ANK2: variants seen among roughly 807,000 people sequenced by gnomAD.
ANK2 encodes ankyrin 2.
ANK2 carries 83 observed loss-of-function variants against 360.5 expected under a neutral mutation model. The ratio of observed to expected loss-of-function variants is 0.23; its 90% CI spans 0.19 to 0.28. The LOEUF (loss-of-function observed/expected upper bound fraction) is 0.28. Among genes scored for constraint, ANK2 ranks in the 10% least tolerant of loss-of-function variants. The probability of loss-of-function intolerance (pLI) is 1.00; values close to 1 mark genes in which losing one functional copy is unlikely to be tolerated. For missense variants in ANK2, 4,201 were observed against 4,795.7 expected, an observed-to-expected ratio of 0.88 and a Z score of 3.66; for synonymous variants, 1,740 against 1,759.5, an observed-to-expected ratio of 0.99 and a Z score of 0.28.
At chr4:112,897,639 T>C (rs2082128703) in intron 1 of ANK2, among the ~76,000 whole-genome samples, 1 of 152,134 alleles carries the variant, frequency 6.6e-6, no homozygotes, top group African/African-American at 2.4e-5. Context: ...TTTGTCTTTT[T>C]ATGGGGGAGG....
At chr4:112,940,860 A>G (rs2094151696) in intron 2 of ANK2, among the ~76,000 whole-genome samples, 1 of 152,078 alleles carries the variant, frequency 6.6e-6, no homozygotes. Context: ...CCGAACAGGG[A>G]TTCTCGTGTC....
At chr4:113,376,774 A>T (rs1045065838) in intron 45 of ANK2, among the ~76,000 whole-genome samples, 3 of 148,546 alleles carry the variant, frequency 2.0e-5, no homozygotes, top group African/African-American at 7.4e-5. Flanking sequence ...TAATTTTTTA[A>T]ATTTATTATT....
In ANK2 at chr4:113,383,283, C is replaced by G. The variant is rs2097199202; in HGVS notation, c.*1812C>G. ...AAAAATTTCCTGGGAGGGAGGTTTC[C>G]CACAAGCCAAATCTCCTAAGCCTCA... On this transcript the variant is annotated 3_prime_UTR_variant, in exon 46 of 46. Transcript: ENST00000357077. 2 of 152,528 alleles carry G rather than the reference C, an allele frequency of 1.3e-5. No individual in the cohort carries two copies. The highest frequency in any genetic ancestry group is 1.3e-4 in the Admixed American group (2 of 15,268). The allele number at this position is 152,528 out of a possible 1,614,324, so 9.4% of individuals were successfully genotyped here. A position where few individuals can be genotyped will look rare whatever the true frequency, so the allele number is the denominator to read the frequency against.
chr4:113,021,190 CTG>C (rs2057984292), intron 2 of ANK2, among the ~76,000 whole-genome samples: 2 of 149,456 alleles, frequency 1.3e-5, no homozygotes, highest in South Asian at 2.1e-4. Context: ...GCTTTTTTTT[CTG>C]TCTCTTGAAT....
intron 29 of ANK2, among the ~76,000 whole-genome samples, chr4:113,333,644 G>C (rs2092975507): frequency 1.3e-5 from 2 of 152,132 alleles, no homozygotes; most frequent in South Asian, 2.1e-4. Flanking sequence ...AAAGTGTTAA[G>C]CTACTGTGTT....
rs544464848 is a variant in ANK2, at chr4:112,838,096, G to A, written c.-40+19832G>A. On this transcript the variant is annotated intron_variant, in intron 1 of 30. Coordinates refer to the ANK2 transcript ENST00000503271. ...TTGTAGTCCCCACATGTTGAGGGAGGGACATGGTGGGAGGTGGATCATGGG... is the reference window on the plus strand; with the variant it reads ...TTGTAGTCCCCACATGTTGAGGGAGAGACATGGTGGGAGGTGGATCATGGG... Among the ~76,000 whole-genome samples, 10 of 152,232 alleles carry A rather than the reference G, an allele frequency of 6.6e-5. No individual in the cohort carries two copies. In the South Asian group the frequency reaches 2.1e-3, roughly 32 times the overall value.
rs186150414 is a variant in ANK2 at position 113,274,613 on chromosome 4, A to G, written c.1647A>G (p.Leu549=). Residue 549 remains leucine, a synonymous_variant, in exon 15 of 46, where the codon CTA becomes CTG. Coordinates refer to ENST00000357077, the MANE Select transcript of ANK2 (RefSeq NM_001148.6). ...GCCAGGTGGATGTGGCATCAGTCCTATTGGAAGCAGGAGCAGCCCACTCCT... is the reference window on the plus strand; with the variant it reads ...GCCAGGTGGATGTGGCATCAGTCCTGTTGGAAGCAGGAGCAGCCCACTCCT... The part of the protein sequence containing the change: ...REGQVDVASV[L]LEAGAAHSLA... The G allele has an allele frequency of 6.8e-6, 11 of 1,614,192 alleles. No homozygotes were observed. In the East Asian group the frequency reaches 2.2e-4, roughly 33 times the overall value.
At chr4:113,342,019 T>A in intron 33 of ANK2, 103 bp downstream of exon 33, 1 of 1,232,404 alleles carries the variant, frequency 8.1e-7, no homozygotes, top group Non-Finnish European at 1.1e-6. Context: ...AATTAAAAAG[T>A]GAAAGACAAG....
intron 22 of ANK2, among the ~76,000 whole-genome samples, chr4:113,300,285 C>A (rs2074266883): frequency 6.6e-6 from 1 of 152,134 alleles, no homozygotes; most frequent in Non-Finnish European, 1.5e-5. Flanking sequence ...TCCAACTGTG[C>A]CTTCATGTGA....
the ANK2 span, among the ~76,000 whole-genome samples, chr4:112,737,280 CATATT>C: frequency 6.6e-6 from 1 of 152,166 alleles, no homozygotes; most frequent in African/African-American, 2.4e-5. Flanking sequence ...GATTTAATAA[CATATT>C]AGACTATTGT....
rs2092857501 is a variant in ANK2, at chr4:113,333,218, G to C, written c.3379+10G>C. ...AACGGCATGGATGAAGGTACTTTCA[G>C]ATGAAGCGTTTTAAAAGAAATCTAA... On this transcript the variant is annotated intron_variant, in intron 29 of 45. Transcript: ENST00000357077. 2 of 1,614,004 alleles carry C rather than the reference G, an allele frequency of 1.2e-6. No individual in the cohort carries two copies. The highest frequency in any genetic ancestry group is 4.5e-5 in the East Asian group (2 of 44,880).
intron 14 of ANK2, among the ~76,000 whole-genome samples, chr4:113,274,185 G>A (rs906398929): frequency 4.6e-5 from 7 of 152,136 alleles, no homozygotes; most frequent in Admixed American, 1.3e-4. Flanking sequence ...GAGGCCTAAA[G>A]CCTTAATGAG....
At chr4:112,892,919 C>T (rs1322971329) in intron 1 of ANK2, among the ~76,000 whole-genome samples, 2 of 152,080 alleles carry the variant, frequency 1.3e-5, no homozygotes, top group African/African-American at 2.4e-5. Context: ...CTTTAGGATG[C>T]GTAGTGGGTA....
Position 112,867,488 on chromosome 4 carries a change from A to G in ANK2, c.-39-36967A>G, listed in dbSNP as rs535025838. Among the ~76,000 whole-genome samples the G allele has an allele frequency of 3.3e-5, 5 of 152,198 alleles. No individual in the cohort carries two copies. The East Asian group carries it at 7.7e-4, about 23-fold the overall frequency. ...TTTTACTGTATTCACAGAGTTGTAC[A>G]ACCACCATTACTATCTATTATGATT... On this transcript the variant is annotated intron_variant, in intron 1 of 30. Transcript: ENST00000503271.
chr4:112,912,363 C>A (rs1005630361), intron 2 of ANK2, among the ~76,000 whole-genome samples: 19 of 151,980 alleles, frequency 1.3e-4, no homozygotes, highest in Non-Finnish European at 2.4e-4. Context: ...AACCCTGATA[C>A]CCTGATAAAA....
chr4:113,169,226 T>C (rs1201606406), intron 1 of ANK2, among the ~76,000 whole-genome samples: 1 of 152,188 alleles, frequency 6.6e-6, no homozygotes, highest in African/African-American at 2.4e-5. Flanking sequence ...AGTACATTTA[T>C]TTTTTTGATA....
chr4:113,330,675 T>C (rs2092189598), intron 27 of ANK2, among the ~76,000 whole-genome samples: 1 of 152,232 alleles, frequency 6.6e-6, no homozygotes, highest in Non-Finnish European at 1.5e-5. Flanking sequence ...GAGTTAAACA[T>C]TCAGGTTGAA....
At chr4:112,933,705 G>T (rs556459378) in intron 2 of ANK2, among the ~76,000 whole-genome samples, 21 of 152,188 alleles carry the variant, frequency 1.4e-4, no homozygotes, top group Admixed American at 9.8e-4. Flanking sequence ...TTGCCATGTT[G>T]GTCAGGCTGG....
At chr4:113,153,912 A>T (rs2097182774) in intron 1 of ANK2, among the ~76,000 whole-genome samples, 1 of 152,222 alleles carries the variant, frequency 6.6e-6, no homozygotes, top group African/African-American at 2.4e-5. Flanking sequence ...CTTAAGTATG[A>T]TAACCACTGC....
Sources: allele counts gnomAD v4.1 joint callset (sites outside exome capture counted in the v4.1 genomes callset), GRCh38; gene constraint gnomAD v4.1.1; transcripts MANE v1.5; gene names NCBI Gene and HGNC (gene_info 2026-07-23, HGNC 2026-07-21).